The following ENOX2 variants were observed in gnomAD, a reference collection of about 807,000 sequenced individuals.
ENOX2 encodes the protein APK1 antigen.
In ENOX2, 36 loss-of-function variants were observed where a neutral mutation model predicts 45.0. The observed-to-expected ratio is 0.80, with a 90% CI of 0.61 to 1.06. The LOEUF (loss-of-function observed/expected upper bound fraction) is 1.06. ENOX2 is among the 50% of genes least tolerant of loss of function. ENOX2 has a pLI of 0.00. For synonymous variants in ENOX2, 174 were observed against 152.3 expected (o/e 1.14, Z -1.05); for missense variants, 423 against 462.5 (o/e 0.91, Z 0.78).
intron 2 of ENOX2, among the ~76,000 whole-genome samples, chrX:130,833,431 C>T (rs1277597096): frequency 9.0e-6 from 1 of 110,747 alleles, no homozygotes; most frequent in Non-Finnish European, 1.9e-5. Flanking sequence ...GCTGGCATGA[C>T]GAGCCCACAC....
intron 10 of ENOX2, among the ~76,000 whole-genome samples, chrX:130,650,789 T>C (rs1259703182): frequency 1.8e-5 from 2 of 111,827 alleles, no homozygotes; most frequent in Non-Finnish European, 3.8e-5. Context: ...AGCTGTGAAC[T>C]CCTCTTTTTA....
intron 2 of ENOX2, among the ~76,000 whole-genome samples, chrX:130,885,666 C>T (rs2078889977): frequency 8.9e-6 from 1 of 111,904 alleles, no homozygotes; most frequent in East Asian, 2.8e-4. Context: ...GAGATAATGT[C>T]GTTTTTAAAA....
At chrX:130,751,513 G>A (rs1448529244) in intron 3 of ENOX2, among the ~76,000 whole-genome samples, 2 of 111,789 alleles carry the variant, frequency 1.8e-5, no homozygotes, top group Non-Finnish European at 3.8e-5. Context: ...ATGAACATAT[G>A]CAGCTATATA....
chrX:130,814,498 C>T (rs959754084), intron 2 of ENOX2, among the ~76,000 whole-genome samples: 5 of 111,421 alleles, frequency 4.5e-5, no homozygotes, highest in Admixed American at 9.5e-5. Flanking sequence ...AGGAGAGCTC[C>T]GGCTGGCATC....
intron 3 of ENOX2, among the ~76,000 whole-genome samples, chrX:130,706,305 A>G (rs964591503): frequency 2.7e-5 from 3 of 112,162 alleles, no homozygotes; most frequent in Admixed American, 1.9e-4. Flanking sequence ...CTCTGGGAAC[A>G]CAGAGGAGTA....
intron 9 of ENOX2, among the ~76,000 whole-genome samples, chrX:130,657,240 A>G (rs2036573142): frequency 8.9e-6 from 1 of 112,211 alleles, no homozygotes; most frequent in Admixed American, 9.5e-5. Flanking sequence ...AACAAAACCC[A>G]TTAACTACTT....
chrX:130,703,205 A>G lies in ENOX2; in HGVS notation c.12T>C (p.Pro4=), dbSNP rs1375300379. 1.7e-6 allele frequency: 2 copies of G among 1,203,932 alleles called. No individual in the cohort carries two copies. Among genetic ancestry groups the G allele is most frequent in the East Asian group, 5.9e-5 (2 of 33,660 alleles). MTL[P]MSDPTAWATA... ...TGGCCCATGCAGTTGGATCAGACAT[A>G]GGTAGTGTCATTGCAGTGGAATCCA... The change falls in exon 4 of 15, where the codon CCT becomes CCC. Residue 4 remains proline, a synonymous_variant. Transcript: ENST00000394363.
chrX:130,631,861 C>G (rs1484252637), intron 12 of ENOX2, among the ~76,000 whole-genome samples: 5 of 101,853 alleles, frequency 4.9e-5, no homozygotes, highest in Non-Finnish European at 7.9e-5. Context: ...ATCTGGGCAA[C>G]TAGACCCAAC....
At chrX:130,627,118 T>C (rs959436818) in intron 14 of ENOX2, among the ~76,000 whole-genome samples, 1 of 111,499 alleles carries the variant, frequency 9.0e-6, no homozygotes, top group Non-Finnish European at 1.9e-5. Flanking sequence ...GAGCAAATAT[T>C]CAGTCTGTGT....
rs989976832 is a variant in ENOX2, at chrX:130,739,653, G to C, written c.-38-36399C>G. Among the ~76,000 whole-genome samples, 15 of 112,256 alleles carry C rather than the reference G, an allele frequency of 1.3e-4. 1 individual carries two copies. Among genetic ancestry groups the C allele is most frequent in the African/African-American group, 3.6e-4 (11 of 30,861 alleles). ...TCTTAACAACCCACCGAGGTGAGGA[G>C]AATAGGTATTACTATCGCCATCTAC... is the stretch of plus-strand genomic sequence containing the variant. On this transcript the variant is annotated intron_variant, in intron 3 of 14. Transcript: ENST00000394363.
At chrX:130,859,523 G>A (rs2078375655) in intron 2 of ENOX2, among the ~76,000 whole-genome samples, 2 of 112,434 alleles carry the variant, frequency 1.8e-5, no homozygotes, top group South Asian at 7.3e-4. Flanking sequence ...GTCTTGCAGA[G>A]TAAGTAGGAG....
chrX:130,690,027 T>C lies in ENOX2; in HGVS notation c.98-1009A>G, dbSNP rs138599009. Among the ~76,000 whole-genome samples, 159 of 111,012 alleles carry C rather than the reference T, an allele frequency of 1.4e-3. 2 individuals carry two copies. The highest frequency in any genetic ancestry group is 0.011 in the East Asian group (38 of 3,518). ...AGGATTCCATGAGTCCTGAAGCTTC[T>C]TGGGGCATCTAGTTCACTGCACATA... On this transcript the variant is annotated intron_variant, in intron 4 of 14. Coordinates refer to ENST00000394363, the MANE Select transcript of ENOX2 (RefSeq NM_006375.4).
chrX:130,775,288 G>A (rs746525159), intron 3 of ENOX2, among the ~76,000 whole-genome samples: 2 of 110,517 alleles, frequency 1.8e-5, no homozygotes, highest in East Asian at 2.8e-4. Context: ...GCTGGGGCAG[G>A]AGGGTTGCTT....
intron 2 of ENOX2, among the ~76,000 whole-genome samples, chrX:130,854,873 A>G (rs950207194): frequency 1.4e-4 from 16 of 111,857 alleles, no homozygotes; most frequent in African/African-American, 4.9e-4. Context: ...GTGATTCACA[A>G]TAAAATGTCT....
intron 13 of ENOX2, among the ~76,000 whole-genome samples, chrX:130,630,852 A>G (rs762011866): frequency 3.6e-4 from 40 of 111,045 alleles, no homozygotes; most frequent in African/African-American, 1.3e-3. Context: ...TTAAACTCTA[A>G]CTTTGGGTAG....
intron 3 of ENOX2, among the ~76,000 whole-genome samples, chrX:130,734,023 C>T (rs2038803657): frequency 8.9e-6 from 1 of 112,231 alleles, no homozygotes; most frequent in Non-Finnish European, 1.9e-5. Context: ...AAGGAGCAGA[C>T]TGAAAATAGT....
At chrX:130,792,604 C>A (rs1315775145) in intron 2 of ENOX2, among the ~76,000 whole-genome samples, 1 of 111,144 alleles carries the variant, frequency 9.0e-6, no homozygotes, top group East Asian at 2.8e-4. Flanking sequence ...ACCAGCCTGA[C>A]CAACATGGTG....
At chrX:130,888,229 T>C (rs1180325131) in intron 2 of ENOX2, among the ~76,000 whole-genome samples, 5 of 112,266 alleles carry the variant, frequency 4.5e-5, no homozygotes, top group African/African-American at 1.6e-4. Flanking sequence ...CTTCATTAGG[T>C]GACTTGAGAA....
intron 14 of ENOX2, among the ~76,000 whole-genome samples, chrX:130,627,732 G>A (rs931229207): frequency 4.5e-5 from 5 of 111,909 alleles, no homozygotes; most frequent in African/African-American, 1.6e-4. Flanking sequence ...TTTTAACATC[G>A]AAAATCTCAA....
Sources: allele counts gnomAD v4.1 joint callset (sites outside exome capture counted in the v4.1 genomes callset), GRCh38; gene constraint gnomAD v4.1.1; transcripts MANE v1.5; gene names NCBI Gene and HGNC (gene_info 2026-07-23, HGNC 2026-07-21).